The following ABCB11 variants were observed in gnomAD, a reference collection of about 807,000 sequenced individuals.
The protein encoded by ABCB11 is bile salt export pump.
A neutral mutation model predicts 148.0 loss-of-function variants in ABCB11; 95 were observed. That is an observed-to-expected ratio of 0.64 (90% confidence interval 0.54 to 0.76). The LOEUF is 0.76. Among genes scored for constraint, ABCB11 ranks in the 30% least tolerant of loss-of-function variants. The pLI, the probability that ABCB11 is intolerant of heterozygous loss-of-function variation, is 0.00. For synonymous variants in ABCB11, 591 were observed against 555.4 expected (o/e 1.06, Z -0.90); for missense variants, 1,523 against 1,617.8 (o/e 0.94, Z 1.01).
chr2:169,027,898 A>G (rs2106077722), intron 1 of ABCB11, among the ~76,000 whole-genome samples: 1 of 152,262 alleles, frequency 6.6e-6, no homozygotes, highest in South Asian at 2.1e-4. Context: ...GTATTGTAGA[A>G]GAATTGAAGA....
intron 12 of ABCB11, among the ~76,000 whole-genome samples, chr2:168,975,131 ATTT>A (rs1693766684): frequency 7.6e-6 from 1 of 132,004 alleles, no homozygotes; most frequent in Non-Finnish European, 1.6e-5. Context: ...ATATTTTTAT[ATTT>A]AAATATTTAT....
chr2:168,954,514 T>G (rs953677360), intron 19 of ABCB11, among the ~76,000 whole-genome samples: 22 of 148,412 alleles, frequency 1.5e-4, no homozygotes, highest in African/African-American at 5.5e-4. Context: ...TGGCTGACAG[T>G]TTTTTTTTTC....
chr2:169,001,073 C>T (rs1009937700), intron 5 of ABCB11, among the ~76,000 whole-genome samples: 2 of 152,106 alleles, frequency 1.3e-5, no homozygotes, highest in African/African-American at 4.8e-5. Context: ...TTTACCAATT[C>T]AAGTGAAATA....
intron 25 of ABCB11, 64 bp downstream of exon 25, chr2:168,930,601 C>T (rs1439124824): frequency 2.2e-5 from 29 of 1,311,250 alleles, no homozygotes; most frequent in Middle Eastern, 2.0e-4. Flanking sequence ...AACTTGAAGC[C>T]CACTTTTAGG....
intron 21 of ABCB11, among the ~76,000 whole-genome samples, chr2:168,941,110 C>A (rs188025937): frequency 2.6e-4 from 40 of 152,060 alleles, no homozygotes; most frequent in African/African-American, 8.2e-4. Context: ...GCCCATGGGT[C>A]AGGGAGTAAT....
At chr2:169,012,522 A>G (rs1573976976) in intron 5 of ABCB11, among the ~76,000 whole-genome samples, 1 of 152,050 alleles carries the variant, frequency 6.6e-6, no homozygotes, top group Non-Finnish European at 1.5e-5. Context: ...AGGCAGGCAG[A>G]TGACCTGAGG....
At position 168,969,433 on chromosome 2, in the gene ABCB11, A is replaced by G. The variant is rs1693471033; in HGVS notation, c.1928T>C (p.Leu643Ser). ...TAVERGTHEE[L>S]LERKGVYFTL... The stretch of plus-strand genomic sequence containing the variant: ...GAAGTAAACACCTTTCCTTTCCAGT[A>G]ATTCTTCATGGGTCCCTCTTTCCAC... Residue 643 changes from leucine to serine, a missense_variant, in exon 16 of 28, where the codon TTA becomes TCA. Coordinates refer to ENST00000650372, the MANE Select transcript of ABCB11 (RefSeq NM_003742.4). 6.2e-7 allele frequency: 1 copy of G among 1,612,474 alleles called. No homozygotes were observed. The highest frequency in any genetic ancestry group is 8.5e-7 in the Non-Finnish European group (1 of 1,179,228).
chr2:169,030,943 G>T (rs1267560068), intron 1 of ABCB11, among the ~76,000 whole-genome samples: 1 of 152,016 alleles, frequency 6.6e-6, no homozygotes, highest in East Asian at 1.9e-4. Flanking sequence ...AATCTATTCG[G>T]CCATTTGTAC....
Position 168,927,183 on chromosome 2 carries a change from C to A in ABCB11, c.3591G>T (p.Leu1197=). 11 of 1,613,840 alleles carry A rather than the reference C, an allele frequency of 6.8e-6. No individual in the cohort carries two copies. The highest frequency in any genetic ancestry group is 9.3e-6 in the Non-Finnish European group (11 of 1,179,784). The change falls in exon 26 of 28, where the codon CTG becomes CTT. Residue 1197 remains leucine (L), a synonymous_variant. Coordinates refer to ENST00000650372, the MANE Select transcript of ABCB11 (RefSeq NM_003742.4). ...RVIAAAKQAQ[L]HDFVMSLPEK... ...CTGGGAGTGACATGACAAAATCATG[C>A]AGCTGAGCCTGTTTTGCAGCTGCTA... is the stretch of plus-strand genomic sequence containing the variant.
chr2:168,939,919 G>A (rs750462664), intron 21 of ABCB11, among the ~76,000 whole-genome samples: 3 of 151,814 alleles, frequency 2.0e-5, no homozygotes, highest in Non-Finnish European at 4.4e-5. Context: ...GTGATCTTTG[G>A]CATTATTATT....
At chr2:168,951,027 T>A (rs549085220) in intron 19 of ABCB11, among the ~76,000 whole-genome samples, 1 of 151,778 alleles carries the variant, frequency 6.6e-6, no homozygotes, top group East Asian at 1.9e-4. Flanking sequence ...TTTTATTGAG[T>A]AGGGTGTCAC....
intron 19 of ABCB11, among the ~76,000 whole-genome samples, chr2:168,956,771 G>A (rs1013797036): frequency 6.6e-6 from 1 of 151,558 alleles, no homozygotes; most frequent in Non-Finnish European, 1.5e-5. Flanking sequence ...TTCCCTTTTG[G>A]AGTAACATCT....
At chr2:168,956,071 C>T (rs1692776277) in intron 19 of ABCB11, among the ~76,000 whole-genome samples, 2 of 151,698 alleles carry the variant, frequency 1.3e-5, no homozygotes, top group African/African-American at 4.8e-5. Flanking sequence ...CTGAGGAGGT[C>T]TCAGGAAACT....
intron 19 of ABCB11, among the ~76,000 whole-genome samples, chr2:168,951,563 G>A (rs1323245282): frequency 6.6e-6 from 1 of 151,418 alleles, no homozygotes; most frequent in African/African-American, 2.4e-5. Flanking sequence ...CAATATTGGT[G>A]TATAGAAACA....
chr2:168,919,868 G>T (rs1574384506), downstream of ABCB11, among the ~76,000 whole-genome samples: 1 of 149,994 alleles, frequency 6.7e-6, no homozygotes, highest in Admixed American at 6.7e-5. Context: ...TTGTTTTTTG[G>T]TTTTTTGGTT....
In ABCB11 at chr2:168,979,999, A is replaced by AT. The variant is rs1558905388; in HGVS notation, c.1084-21dup. On this transcript the variant is annotated intron_variant, in intron 10 of 27. Coordinates refer to ENST00000650372, the MANE Select transcript of ABCB11 (RefSeq NM_003742.4). The stretch of plus-strand genomic sequence containing the variant: ...GAAAATCTGAAATGAAAAGAGAGAG[A>AT]TTTTTCATGTGTTTTTGTTAATGTG... 1.4e-6 allele frequency: 2 copies of AT among 1,460,448 alleles called. No homozygotes were observed. Among genetic ancestry groups the AT allele is most frequent in the Admixed American group, 3.4e-5 (2 of 59,280 alleles). The allele number at this position is 1,460,448 out of a possible 1,614,324, so 90.5% of individuals were successfully genotyped here.
chr2:168,998,897 AC>A (rs1694794727), intron 5 of ABCB11, among the ~76,000 whole-genome samples: 1 of 152,106 alleles, frequency 6.6e-6, no homozygotes, highest in Admixed American at 6.6e-5. Flanking sequence ...GCTTTAGAGA[AC>A]TTGATAATAT....
chr2:168,961,498 A>G lies in ABCB11; in HGVS notation c.2178+2708T>C, dbSNP rs145403609. ...AATCCTATCACATAAGTTATCTGTG[A>G]TGCAGTTATGGGTGTCTAATATTTG... On this transcript the variant is annotated intron_variant, in intron 18 of 27. Transcript: ENST00000650372. Among the ~76,000 whole-genome samples, 624 of 151,840 alleles carry G rather than the reference A, an allele frequency of 4.1e-3. 4 individuals carry two copies. The highest frequency in any genetic ancestry group is 0.014 in the African/African-American group (575 of 41,514).
intron 8 of ABCB11, 53 bp downstream of exon 8, chr2:168,993,658 T>A (rs1694616473): frequency 1.3e-6 from 2 of 1,540,018 alleles, no homozygotes; most frequent in African/African-American, 1.4e-5. Context: ...CATTTTTGGC[T>A]GTTTATGAAG....
Sources: gnomAD v4.1 joint callset for allele counts (sites outside exome capture counted in the v4.1 genomes callset) on GRCh38, gnomAD v4.1.1 for gene constraint, MANE v1.5 for transcripts, NCBI Gene and HGNC (gene_info 2026-07-23, HGNC 2026-07-21) for gene names.